The following AGRN variants were observed in gnomAD, a reference collection of about 807,000 sequenced individuals.
AGRN encodes the protein agrin, also known as agrin proteoglycan.
In AGRN, 106 loss-of-function variants were observed where a neutral mutation model predicts 211.0. The ratio of observed to expected loss-of-function variants is 0.50; its 90% CI spans 0.43 to 0.59. The LOEUF (loss-of-function observed/expected upper bound fraction) is 0.59, where lower values mean the gene tolerates loss of function less well. Among genes scored for constraint, AGRN ranks in the 20% least tolerant of loss-of-function variants. The pLI is 0.00. For missense variants in AGRN, 3,040 were observed against 2,982.6 expected, an observed-to-expected ratio of 1.02 and a Z score of -0.45; for synonymous variants, 1,525 against 1,332.5, an observed-to-expected ratio of 1.14 and a Z score of -3.15.
rs769321224 is a variant in AGRN, at chr1:1,048,235, C to A, written c.3975C>A (p.Ala1325=). The A allele has an allele frequency of 2.5e-5, 39 of 1,544,558 alleles. No individual in the cohort carries two copies. Among genetic ancestry groups the A allele is most frequent in the Non-Finnish European group, 3.4e-5 (39 of 1,143,874 alleles). Residue 1325 remains alanine (A), a synonymous_variant, in exon 23 of 36, where the codon GCC becomes GCA. Coordinates refer to ENST00000379370, the MANE Select transcript of AGRN (RefSeq NM_198576.4). This position sits in a 1 kb window ranked among gnomAD's most constrained non-coding sequence, Gnocchi z 5.9. ...PSRVPGRRPP[A]PQQPPKPCDS... ...GTGTGCCCGGACGTCGGCCCCCGGC[C>A]CCCCAGCAGCCTCCAAAGCCCTGTG...
At position 1,048,148 on chromosome 1, in the gene AGRN, G is replaced by T; in HGVS notation, c.3888G>T (p.Gln1296His). ...CCCCGCACCCCAGTCACACAAGCCA[G>T]CCCGTTGCCAAGACCACGGCAGCCC... ...PRAPHPSHTS[Q>H]PVAKTTAAPT... Residue 1296 changes from glutamine to histidine, a missense_variant, in exon 23 of 36, where the codon CAG (glutamine) becomes CAT (histidine). Around this residue, in one of 3 missense-constraint regions of AGRN, gnomAD observed 1,537 missense variants for 1,505.0 expected, o/e 1.02. Transcript: ENST00000379370. This position sits in a 1 kb window ranked among gnomAD's most constrained non-coding sequence, Gnocchi z 5.9. 1 of 1,578,386 alleles carries T rather than the reference G, an allele frequency of 6.3e-7. No individual in the cohort carries two copies. The highest frequency in any genetic ancestry group is 2.3e-5 in the East Asian group (1 of 42,958).
rs763818876 is a variant in AGRN at position 1,051,775 on chromosome 1, G to A, written c.5611G>A (p.Gly1871Arg). 1.9e-6 allele frequency: 3 copies of A among 1,613,850 alleles called. No individual in the cohort carries two copies. Among genetic ancestry groups the A allele is most frequent in the Admixed American group, 1.7e-5 (1 of 60,030 alleles). ...AGDVDTLAFD[G>R]RTFVEYLNAV... Reference sequence around the variant, plus strand: ...GGACGTGGATACCTTGGCCTTTGACGGGCGGACCTTTGTCGAGTACCTCAA... The same window carrying A: ...GGACGTGGATACCTTGGCCTTTGACAGGCGGACCTTTGTCGAGTACCTCAA... The change falls in exon 33 of 36, where the codon GGG becomes AGG. Residue 1871 changes from glycine to arginine, a missense_variant. Transcript: ENST00000379370.
At chr1:1,028,284 C>T (rs1007564049) in intron 2 of AGRN, among the ~76,000 whole-genome samples, 2 of 150,934 alleles carry the variant, frequency 1.3e-5, no homozygotes, top group African/African-American at 4.9e-5. Context: ...GAGCTGCCGT[C>T]TCCCCTGCTG....
chr1:1,036,014 G>A (rs934052191), intron 3 of AGRN, among the ~76,000 whole-genome samples: 3 of 152,144 alleles, frequency 2.0e-5, no homozygotes, highest in East Asian at 3.8e-4. Flanking sequence ...CGGGGGGACC[G>A]GTGGCTCCCT....
At position 1,048,353 on chromosome 1, in the gene AGRN, G is replaced by C. The variant is rs745802920; in HGVS notation, c.4093G>C (p.Val1365Leu). ...CSCPAGRGGA[V>L]CEKVLGAPVP... ...CTGCCCGGCAGGCAGGGGAGGCGCC[G>C]TCTGTGAGAAGGGTAAGGATGTCCA... is the stretch of plus-strand genomic sequence containing the variant. Residue 1365 changes from valine (V) to leucine (L), a missense_variant, in exon 23 of 36, where the codon GTC becomes CTC. Physicochemically the swap from Val to Leu is conservative, Grantham distance 32. Transcript: ENST00000379370. The surrounding 1 kb of genome is among the most constrained non-coding windows in gnomAD (Gnocchi z 5.9). 1 of 1,465,516 alleles carries C rather than the reference G, an allele frequency of 6.8e-7. No homozygotes were observed. The highest frequency in any genetic ancestry group is 1.4e-5 in the African/African-American group (1 of 70,596). 90.8% of individuals were successfully genotyped at this position (1,465,516 alleles called of 1,614,324 possible).
chr1:1,023,838 GGGA>G (rs1326590063), intron 2 of AGRN, among the ~76,000 whole-genome samples: 1 of 152,126 alleles, frequency 6.6e-6, no homozygotes, highest in East Asian at 1.9e-4. Flanking sequence ...GCAGAGCGCT[GGGA>G]GGAGGGTCCG....
At position 1,054,431 on chromosome 1, in the gene AGRN, C is replaced by A. The variant is rs199552967; in HGVS notation, c.5877-17C>A. 1.2e-3 allele frequency: 1,946 copies of A among 1,558,112 alleles called. 2 individuals carry two copies. Among genetic ancestry groups the A allele is most frequent in the Non-Finnish European group, 1.5e-3 (1,676 of 1,148,238 alleles). Reference sequence around the variant, plus strand: ...GAACTCTGGGCCCTGATGGTCTCCCCCTCCCTGCACACCCAGGGAGCAGAG... The same window carrying A: ...GAACTCTGGGCCCTGATGGTCTCCCACTCCCTGCACACCCAGGGAGCAGAG... On this transcript the variant is annotated splice_polypyrimidine_tract_variant and intron_variant, in intron 34 of 35. Transcript: ENST00000379370.
intron 2 of AGRN, among the ~76,000 whole-genome samples, chr1:1,022,844 C>A (rs1043797274): frequency 6.6e-6 from 1 of 152,246 alleles, no homozygotes; most frequent in Non-Finnish European, 1.5e-5. Context: ...GACGGGCCCG[C>A]GTGTCGAGCA....
intron 7 of AGRN, among the ~76,000 whole-genome samples, chr1:1,042,979 C>T (rs961754161): frequency 6.6e-6 from 1 of 152,072 alleles, no homozygotes; most frequent in African/African-American, 2.4e-5. Context: ...CCATAGCCTG[C>T]TGTGGACAAT....
chr1:1,044,146 C>T lies in AGRN; in HGVS notation c.2037C>T (p.Asp679=), dbSNP rs780169210. ...CGSGGSGSGE[D]GDCEQELCRQ... ...CCGGAGGCTCTGGCTCTGGGGAGGA[C>T]GGTGACTGTGAGCAGGAGCTGTGCC... is the stretch of plus-strand genomic sequence containing the variant. The change falls in exon 11 of 36, where the codon GAC becomes GAT. Residue 679 remains aspartate (D), a synonymous_variant. Transcript: ENST00000379370. The T allele has an allele frequency of 8.1e-6, 13 of 1,613,094 alleles. No individual in the cohort carries two copies. Among genetic ancestry groups the T allele is most frequent in the Middle Eastern group, 3.3e-4 (2 of 6,084 alleles).
In AGRN at chr1:1,050,811, G is replaced by A. The variant is rs1557720698; in HGVS notation, c.5227G>A (p.Gly1743Ser). ...CAAGGGTGCCCTGCGTGTGGGCGAC[G>A]GCCCCCGTGTGTTGGGGGAGTCCCC... ...GRKGALRVGD[G>S]PRVLGESPVP... Residue 1743 changes from glycine to serine, a missense_variant, in exon 30 of 36, where the codon GGC (glycine) becomes AGC (serine). Transcript: ENST00000379370. The A allele has an allele frequency of 1.3e-5, 20 of 1,590,638 alleles. No individual in the cohort carries two copies. The highest frequency in any genetic ancestry group is 1.6e-5 in the Non-Finnish European group (19 of 1,172,984).
At position 1,054,929 on chromosome 1, in the gene AGRN, T is replaced by C. The variant is rs1373720209; in HGVS notation, c.6086T>C (p.Leu2029Pro). 1 of 1,548,980 alleles carries C rather than the reference T, an allele frequency of 6.5e-7. No homozygotes were observed. The highest frequency in any genetic ancestry group is 2.4e-5 in the East Asian group (1 of 40,974). Reference sequence around the variant, plus strand: ...GTGGTGGGCCGGCACCCGCTGCACCTGCTGGAGGACGCCGTCACCAAGCCA... The same window carrying C: ...GTGGTGGGCCGGCACCCGCTGCACCCGCTGGAGGACGCCGTCACCAAGCCA... The part of the protein sequence containing the change: ...DVVVGRHPLH[L>P]LEDAVTKPEL... The change falls in exon 36 of 36, where the codon CTG becomes CCG. Residue 2029 changes from leucine to proline, a missense_variant. Transcript: ENST00000379370.
intron 2 of AGRN, among the ~76,000 whole-genome samples, chr1:1,023,267 T>G (rs1421100238): frequency 1.3e-5 from 2 of 152,194 alleles, no homozygotes; most frequent in African/African-American, 4.8e-5. Context: ...TTTGCTGCCC[T>G]GACACTAGCC....
At position 1,053,991 on chromosome 1, in the gene AGRN, C is replaced by T. The variant is rs1249426746; in HGVS notation, c.5876+14C>T. On this transcript the variant is annotated intron_variant, in intron 34 of 35. Coordinates refer to ENST00000379370, the MANE Select transcript of AGRN (RefSeq NM_198576.4). ...CGTGGCACATAGGTGAGTAGGGAACCCAGCGTGCCGAGAATAGTGGCGAGG... is the reference window on the plus strand; with the variant it reads ...CGTGGCACATAGGTGAGTAGGGAACTCAGCGTGCCGAGAATAGTGGCGAGG... 6.3e-7 allele frequency: 1 copy of T among 1,582,568 alleles called. No individual in the cohort carries two copies. Among genetic ancestry groups the T allele is most frequent in the Admixed American group, 1.8e-5 (1 of 55,392 alleles).
At position 1,041,309 on chromosome 1, in the gene AGRN, C is replaced by G. The variant is rs1401768737; in HGVS notation, c.864C>G (p.Asp288Glu). ...CCGAGGGGACCGTCTGCGGCAGCGA[C>G]GGCGCCGACTACCCCGGCGAGTGCC... Reference protein sequence around the residue: ...GAPEGTVCGSDGADYPGECQL... With the variant: ...GAPEGTVCGSEGADYPGECQL... The change falls in exon 5 of 36, where the codon GAC becomes GAG. Residue 288 changes from aspartate to glutamate, a missense_variant. This residue lies in a region of AGRN where 1,498 missense variants were observed against 1,457.8 expected (regional missense o/e 1.03). Coordinates refer to ENST00000379370, the MANE Select transcript of AGRN (RefSeq NM_198576.4). The G allele has an allele frequency of 6.6e-6, 10 of 1,520,014 alleles. No homozygotes were observed. Among genetic ancestry groups the G allele is most frequent in the Non-Finnish European group, 8.8e-6 (10 of 1,140,140 alleles). The allele number at this position is 1,520,014 out of a possible 1,614,324, so 94.2% of individuals were successfully genotyped here. A position where few individuals can be genotyped will look rare whatever the true frequency, so the allele number is the denominator to read the frequency against.
chr1:1,050,120 T>C, intron 27 of AGRN, 83 bp downstream of exon 27: 1 of 1,581,366 alleles, frequency 6.3e-7, no homozygotes, highest in East Asian at 2.3e-5. Context: ...AGCATTGCAG[T>C]TAGGATGCGG....
At chr1:1,034,454 AGG>A in intron 2 of AGRN, 1 of 985,644 alleles carries the variant, frequency 1.0e-6, no homozygotes, top group Non-Finnish European at 1.2e-6. Context: ...CCGCCGCCCC[AGG>A]GGTCCCAGGA....
chr1:1,033,643 G>GCGCCCCCAGTCC (rs1644725694), intron 2 of AGRN, among the ~76,000 whole-genome samples: 1 of 24,314 alleles, frequency 4.1e-5, no homozygotes, highest in South Asian at 1.3e-3. Flanking sequence ...CCCAGCCCCA[G>GCGCCCCCAGTCC]CGCCCCCAGT....
chr1:1,042,235 C>A, intron 7 of AGRN, 73 bp downstream of exon 7: 1 of 1,477,006 alleles, frequency 6.8e-7, no homozygotes, highest in Non-Finnish European at 9.1e-7. Flanking sequence ...CATCACATGC[C>A]ATCTTCATCC....
Sources: gnomAD v4.1 joint callset for allele counts (sites outside exome capture counted in the v4.1 genomes callset) on GRCh38, gnomAD v4.1.1 for gene constraint, gnomAD v4.1.1 regional missense constraint, Gnocchi (gnomAD v3.1) non-coding constraint, MANE v1.5 for transcripts, NCBI Gene and HGNC (gene_info 2026-07-23, HGNC 2026-07-21) for gene names.